APBB2: variants seen among roughly 807,000 people sequenced by gnomAD.
APBB2 encodes Fe65-like 1.
Under a neutral mutation model 82.5 loss-of-function variants are expected in APBB2, and 38 were observed. That is an observed-to-expected ratio of 0.46 (90% CI 0.36 to 0.60). The LOEUF (loss-of-function observed/expected upper bound fraction) is 0.60. Among genes scored for constraint, APBB2 ranks in the 20% least tolerant of loss-of-function variants. APBB2 has a pLI of 0.00. For missense variants in APBB2, 772 were observed against 972.3 expected (o/e 0.79, Z 2.74); for synonymous variants, 341 against 368.2 (o/e 0.93, Z 0.85).
intron 6 of APBB2, among the ~76,000 whole-genome samples, chr4:40,977,054 A>T (rs1441099609): frequency 1.3e-5 from 2 of 151,524 alleles, no homozygotes; most frequent in Non-Finnish European, 2.9e-5. Context: ...AAAAAAAAAT[A>T]GATTTTCATT....
chr4:41,089,575 G>T (rs1042941234), intron 3 of APBB2, among the ~76,000 whole-genome samples: 5 of 152,060 alleles, frequency 3.3e-5, no homozygotes, highest in Non-Finnish European at 5.9e-5. Flanking sequence ...CTAGATTCAG[G>T]AGTTAACAAA....
At chr4:40,877,198 G>C (rs139608267) in intron 12 of APBB2, among the ~76,000 whole-genome samples, 3 of 152,268 alleles carry the variant, frequency 2.0e-5, no homozygotes, top group Non-Finnish European at 2.9e-5. Context: ...TCAGGAGTCT[G>C]TCTTGGCCAA....
At chr4:41,170,297 T>C (rs570245932) in intron 1 of APBB2, among the ~76,000 whole-genome samples, 148 of 152,368 alleles carry the variant, frequency 9.7e-4, no homozygotes, top group African/African-American at 3.4e-3. Flanking sequence ...AATCTTATTA[T>C]AGCCATGTAA....
chr4:40,949,061 T>G lies in APBB2; in HGVS notation c.836-3988A>C, dbSNP rs906189623. 2.6e-5 allele frequency among the ~76,000 whole-genome samples: 4 copies of G among 152,118 alleles called. No homozygotes were observed. In the South Asian group the frequency reaches 8.3e-4, roughly 32 times the overall value. ...TGGAAGGCCGAGGCAGGTAGATCACTCAAGGTCAGGAGTTTGAGACCAGCA... is the reference window on the plus strand; with the variant it reads ...TGGAAGGCCGAGGCAGGTAGATCACGCAAGGTCAGGAGTTTGAGACCAGCA... On this transcript the variant is annotated intron_variant, in intron 6 of 17. Transcript: ENST00000508593.
At chr4:41,085,221 AGCCTGGGT>A (rs1020624145) in intron 3 of APBB2, among the ~76,000 whole-genome samples, 3 of 149,046 alleles carry the variant, frequency 2.0e-5, no homozygotes, top group African/African-American at 7.4e-5. Flanking sequence ...ACTGCACTCC[AGCCTGGGT>A]GACAGAGTGA....
At chr4:40,859,286 C>A (rs1762179914) in intron 12 of APBB2, among the ~76,000 whole-genome samples, 1 of 129,904 alleles carries the variant, frequency 7.7e-6, no homozygotes, top group South Asian at 2.4e-4. Context: ...GGGCTGCTGT[C>A]ATTTTTTTTT....
At chr4:41,132,273 TC>T (rs1756241103) in intron 2 of APBB2, among the ~76,000 whole-genome samples, 1 of 152,120 alleles carries the variant, frequency 6.6e-6, no homozygotes, top group Admixed American at 6.5e-5. Flanking sequence ...GACAAGCCTA[TC>T]AAGAGTTGAA....
At position 40,814,649 on chromosome 4, in the gene APBB2, G is replaced by A. The variant is rs1183346974; in HGVS notation, c.*1443C>T. 6.6e-6 allele frequency: 1 copy of A among 152,220 alleles called. No individual in the cohort carries two copies. The allele number at this position is 152,220 out of a possible 1,614,324, so 9.4% of individuals were successfully genotyped here. On this transcript the variant is annotated 3_prime_UTR_variant, in exon 18 of 18. Coordinates refer to ENST00000508593, the MANE Select transcript of APBB2 (RefSeq NM_004307.2). ...ACTTTTATAATTGGATGTTGTAAATGTTAATTTTGACATTAAGAAGAAGTA... is the reference window on the plus strand; with the variant it reads ...ACTTTTATAATTGGATGTTGTAAATATTAATTTTGACATTAAGAAGAAGTA...
Position 40,821,280 on chromosome 4 carries a change from T to G in APBB2, c.2112+591A>C, listed in dbSNP as rs1300666881. Reference sequence around the variant, plus strand: ...TTTGTTTCCAAGTATCCATGTGGTATAAAGAGCTCTGACTTTGTCACCTGG... The same window carrying G: ...TTTGTTTCCAAGTATCCATGTGGTAGAAAGAGCTCTGACTTTGTCACCTGG... On this transcript the variant is annotated intron_variant, in intron 17 of 17. Coordinates refer to ENST00000508593, the MANE Select transcript of APBB2 (RefSeq NM_004307.2). Among the ~76,000 whole-genome samples, 4 of 152,312 alleles carry G rather than the reference T, an allele frequency of 2.6e-5. No individual in the cohort carries two copies. The East Asian group carries it at 5.8e-4, about 22-fold the overall frequency.
intron 10 of APBB2, among the ~76,000 whole-genome samples, chr4:40,910,392 C>T (rs1167397400): frequency 2.6e-5 from 4 of 152,070 alleles, no homozygotes; most frequent in Non-Finnish European, 5.9e-5. Context: ...CTACGCACTA[C>T]CATACCCGGC....
rs115132946 is a variant in APBB2 at position 41,122,019 on chromosome 4, C to T, written c.-261+20968G>A. 5.5e-3 allele frequency among the ~76,000 whole-genome samples: 830 copies of T among 152,128 alleles called. 7 individuals are homozygous for T. Among genetic ancestry groups the T allele is most frequent in the African/African-American group, 0.019 (785 of 41,466 alleles). The stretch of plus-strand genomic sequence containing the variant: ...TCGACTCACTGTAGCCTTGACTTCC[C>T]GAGCTCAAGCAATCCCTGACCTCAG... On this transcript the variant is annotated intron_variant, in intron 2 of 17. Transcript: ENST00000508593.
chr4:40,961,514 G>T (rs1312935715), intron 6 of APBB2, among the ~76,000 whole-genome samples: 1 of 103,744 alleles, frequency 9.6e-6, no homozygotes, highest in Non-Finnish European at 1.9e-5. Flanking sequence ...GGAGGGGGGA[G>T]GGATAGCATT....
chr4:40,839,478 A>G (rs1469328282), intron 12 of APBB2, among the ~76,000 whole-genome samples: 1 of 152,032 alleles, frequency 6.6e-6, no homozygotes, highest in Non-Finnish European at 1.5e-5. Flanking sequence ...CAATTTGATA[A>G]CATCTTTCAC....
chr4:41,106,649 T>A lies in APBB2; in HGVS notation c.-260-5899A>T, dbSNP rs191112150. Among the ~76,000 whole-genome samples, 847 of 152,202 alleles carry A rather than the reference T, an allele frequency of 5.6e-3. 8 individuals carry two copies. The highest frequency in any genetic ancestry group is 0.018 in the African/African-American group (734 of 41,532). ...CCGCCACCACGCCAGGCTAATTTTTTGTATTTTTAATGGAGATGGGGTTTC... is the reference window on the plus strand; with the variant it reads ...CCGCCACCACGCCAGGCTAATTTTTAGTATTTTTAATGGAGATGGGGTTTC... On this transcript the variant is annotated intron_variant, in intron 2 of 17. Transcript: ENST00000508593.
intron 3 of APBB2, among the ~76,000 whole-genome samples, chr4:41,080,173 T>C (rs184619692): frequency 7.2e-4 from 109 of 152,316 alleles, no homozygotes; most frequent in Non-Finnish European, 1.4e-3. Flanking sequence ...CATTCAACTG[T>C]AGAAACATCA....
chr4:40,830,423 A>G, intron 13 of APBB2, 40 bp downstream of exon 13: 1 of 1,431,328 alleles, frequency 7.0e-7, no homozygotes, highest in Non-Finnish European at 9.9e-7. Flanking sequence ...CAGCAAGAAA[A>G]AAAGAGAGAG....
chr4:40,992,361 T>TC (rs1553899618), intron 6 of APBB2, among the ~76,000 whole-genome samples: 119 of 139,402 alleles, frequency 8.5e-4, no homozygotes, highest in African/African-American at 2.7e-3. Context: ...TTGGTAGAGA[T>TC]GGGGGGGGGT....
chr4:41,018,729 G>C (rs946672414), intron 5 of APBB2, among the ~76,000 whole-genome samples: 2 of 152,200 alleles, frequency 1.3e-5, no homozygotes, highest in African/African-American at 2.4e-5. Context: ...CAGAGAAACA[G>C]TGGAAAGAGG....
rs913491390 is a variant in APBB2 at position 40,822,091 on chromosome 4, G to C, written c.1933-41C>G. On this transcript the variant is annotated intron_variant, in intron 16 of 17. Transcript: ENST00000508593. Reference sequence around the variant, plus strand: ...TGCGGCATCCAATCAGGAGATCCCAGGATCAAGCTTAAGAGTGGCAGCACA... The same window carrying C: ...TGCGGCATCCAATCAGGAGATCCCACGATCAAGCTTAAGAGTGGCAGCACA... The C allele has an allele frequency of 4.4e-6, 7 of 1,608,244 alleles. No individual in the cohort carries two copies. The Admixed American group carries it at 6.7e-5, about 15-fold the overall frequency.
Sources: gnomAD v4.1 joint callset for allele counts (sites outside exome capture counted in the v4.1 genomes callset) on GRCh38, gnomAD v4.1.1 for gene constraint, MANE v1.5 for transcripts, NCBI Gene and HGNC (gene_info 2026-07-23, HGNC 2026-07-21) for gene names.